SORBS2: variants seen among roughly 807,000 people sequenced by gnomAD.
The protein encoded by SORBS2 is sorbin and SH3 domain-containing protein 2.
SORBS2 carries 46 observed loss-of-function variants against 97.7 expected under a neutral mutation model. The observed-to-expected ratio is 0.47, with a 90% confidence interval of 0.37 to 0.60. SORBS2 has a LOEUF of 0.60. Ranked by LOEUF, SORBS2 falls within the 20% of genes least tolerant of loss-of-function variation. The pLI is 0.00. For synonymous variants in SORBS2, 476 were observed against 473.4 expected (o/e 1.01, Z -0.07); for missense variants, 1,316 against 1,282.3 (o/e 1.03, Z -0.40).
At chr4:185,864,298 T>C (rs2099225574) in intron 1 of SORBS2, among the ~76,000 whole-genome samples, 1 of 152,120 alleles carries the variant, frequency 6.6e-6, no homozygotes, top group East Asian at 1.9e-4. Context: ...CAACTAAACA[T>C]TAGATTCAAA....
chr4:185,717,201 C>T (rs971197410), intron 2 of SORBS2, among the ~76,000 whole-genome samples: 4 of 152,230 alleles, frequency 2.6e-5, no homozygotes, highest in African/African-American at 9.6e-5. Context: ...AGCAGTGATT[C>T]CCCGGGAGCG....
At chr4:185,718,165 G>A (rs114774351) in intron 2 of SORBS2, among the ~76,000 whole-genome samples, 1,611 of 152,116 alleles carry the variant, frequency 0.011, 37 homozygotes, top group African/African-American at 0.038. Flanking sequence ...TGGGAGACAG[G>A]CGCTGTAGGA....
exon 1 of SORBS2, chr4:185,956,218 AC>A (rs769459033): frequency 1.8e-4 from 27 of 152,250 alleles, no homozygotes; most frequent in Non-Finnish European, 3.7e-4. Context: ...ACATTCCAGC[AC>A]AGGAAAATCG....
At chr4:185,660,546 C>T (rs1000056567), upstream of SORBS2, among the ~76,000 whole-genome samples, 1 of 152,150 alleles carries the variant, frequency 6.6e-6, no homozygotes, top group African/African-American at 2.4e-5. Flanking sequence ...TTAATAAGTC[C>T]CGCGGCTACC....
intron 4 of SORBS2, among the ~76,000 whole-genome samples, chr4:185,636,892 C>G (rs60990841): frequency 0.11 from 16,551 of 152,222 alleles, 963 homozygotes; most frequent in African/African-American, 0.15. Context: ...CGTGATCCGC[C>G]TGCCTCGGCC....
intron 1 of SORBS2, among the ~76,000 whole-genome samples, chr4:185,828,490 G>A (rs2099203232): frequency 1.3e-5 from 2 of 151,912 alleles, no homozygotes; most frequent in Admixed American, 1.3e-4. Context: ...CATTATCATG[G>A]GCTTGAAATG....
At position 185,896,727 on chromosome 4, in the gene SORBS2, C is replaced by G. The variant is rs573245060; in HGVS notation, c.-338+59469G>C. On this transcript the variant is annotated intron_variant, in intron 1 of 20. Transcript: ENST00000284776. ...ATGATTGGCAGGGGGTGCTCTGTGG[C>G]CCCTGGTGTGTGCCCCTAACAAAGA... is the stretch of plus-strand genomic sequence containing the variant. Among the ~76,000 whole-genome samples the G allele has an allele frequency of 2.9e-4, 44 of 152,078 alleles. 1 individual carries two copies. The highest frequency in any genetic ancestry group is 3.4e-3 in the Middle Eastern group (1 of 294).
chr4:185,677,420 A>C (rs1454560711), intron 4 of SORBS2: 1 of 1,552,244 alleles, frequency 6.4e-7, no homozygotes, highest in Admixed American at 2.0e-5. Context: ...TTTTTTGTGT[A>C]TATGACATGG....
intron 1 of SORBS2, among the ~76,000 whole-genome samples, chr4:185,928,037 A>G (rs968186234): frequency 3.3e-5 from 5 of 152,168 alleles, no homozygotes; most frequent in African/African-American, 1.2e-4. Context: ...CTGCTTTATC[A>G]AAAAGGACTG....
At chr4:185,785,715 G>T (rs1359014198) in intron 1 of SORBS2, among the ~76,000 whole-genome samples, 1 of 152,208 alleles carries the variant, frequency 6.6e-6, no homozygotes, top group Non-Finnish European at 1.5e-5. Context: ...TTAAACAACA[G>T]CAACTCACAG....
At chr4:185,925,513 T>C (rs2099263172) in intron 1 of SORBS2, among the ~76,000 whole-genome samples, 1 of 152,230 alleles carries the variant, frequency 6.6e-6, no homozygotes, top group African/African-American at 2.4e-5. Flanking sequence ...ATTATAACTT[T>C]TGCTTGCATT....
At chr4:185,940,427 C>A (rs780654693) in intron 1 of SORBS2, among the ~76,000 whole-genome samples, 1 of 152,164 alleles carries the variant, frequency 6.6e-6, no homozygotes, top group Non-Finnish European at 1.5e-5. Flanking sequence ...TCATACATTG[C>A]AATCCTGTTG....
At chr4:185,870,560 G>A (rs1383341365) in intron 1 of SORBS2, among the ~76,000 whole-genome samples, 6 of 152,194 alleles carry the variant, frequency 3.9e-5, no homozygotes, top group Non-Finnish European at 5.9e-5. Context: ...ATCTGAAAAC[G>A]CTGCCCAGCT....
chr4:185,795,775 C>T (rs534243146), intron 1 of SORBS2, among the ~76,000 whole-genome samples: 3 of 152,068 alleles, frequency 2.0e-5, no homozygotes, highest in African/African-American at 4.8e-5. Context: ...TTTTTAAAAC[C>T]ACATATCCAC....
chr4:185,593,696 T>G (rs971058345), intron 13 of SORBS2, 190 bp downstream of exon 25: 1 of 550,800 alleles, frequency 1.8e-6, no homozygotes, highest in South Asian at 2.6e-5. Context: ...GAACTATGGG[T>G]TCTTTTAAAA....
intron 1 of SORBS2, among the ~76,000 whole-genome samples, chr4:185,882,401 C>A (rs895687894): frequency 6.6e-6 from 1 of 151,978 alleles, no homozygotes; most frequent in African/African-American, 2.4e-5. Flanking sequence ...GATTTTTATG[C>A]AGAATACTAT....
intron 2 of SORBS2, among the ~76,000 whole-genome samples, chr4:185,719,486 C>A (rs2098494353): frequency 6.6e-6 from 1 of 152,194 alleles, no homozygotes; most frequent in Non-Finnish European, 1.5e-5. Context: ...CTCCATCCCT[C>A]AACCTACTTT....
chr4:185,916,287 T>C (rs1212019173), intron 1 of SORBS2, among the ~76,000 whole-genome samples: 1 of 152,208 alleles, frequency 6.6e-6, no homozygotes, highest in African/African-American at 2.4e-5. Context: ...TGTTCTTTGG[T>C]CTGTTTTCAT....
At chr4:185,671,991 C>T (rs2097719411) in intron 4 of SORBS2, among the ~76,000 whole-genome samples, 2 of 152,206 alleles carry the variant, frequency 1.3e-5, no homozygotes. Context: ...TATGCATGCG[C>T]ATGCACAGAC....
Sources: allele counts gnomAD v4.1 joint callset (sites outside exome capture counted in the v4.1 genomes callset), GRCh38; gene constraint gnomAD v4.1.1; transcripts MANE v1.5; gene names NCBI Gene and HGNC (gene_info 2026-07-23, HGNC 2026-07-21).